ADCY2: variants seen among roughly 807,000 people sequenced by gnomAD.
The protein encoded by ADCY2 is adenylate cyclase 2.
Under a neutral mutation model 125.2 loss-of-function variants are expected in ADCY2, and 31 were observed. That is an observed-to-expected ratio of 0.25 (90% CI 0.19 to 0.33). The LOEUF (loss-of-function observed/expected upper bound fraction) is 0.33. ADCY2 is among the 10% of genes least tolerant of loss of function. The pLI is 1.00. For synonymous variants in ADCY2, 512 were observed against 548.4 expected (o/e 0.93, Z 0.93); for missense variants, 904 against 1,418.2 (o/e 0.64, Z 5.82).
At chr5:7,671,000 T>A (rs1467237751) in intron 4 of ADCY2, among the ~76,000 whole-genome samples, 4 of 152,248 alleles carry the variant, frequency 2.6e-5, no homozygotes, top group African/African-American at 9.6e-5. Context: ...CTCTGGGTAG[T>A]GCTTTATTTC....
At chr5:7,644,830 G>A (rs945181704) in intron 4 of ADCY2, among the ~76,000 whole-genome samples, 1 of 152,104 alleles carries the variant, frequency 6.6e-6, no homozygotes, top group African/African-American at 2.4e-5. Context: ...CTTAGCTTAA[G>A]TTTTCATACA....
At chr5:7,567,212 T>A (rs551457423) in intron 3 of ADCY2, among the ~76,000 whole-genome samples, 1 of 152,338 alleles carries the variant, frequency 6.6e-6, no homozygotes, top group South Asian at 2.1e-4. Flanking sequence ...GGTTTACTAC[T>A]GTATTATCTT....
Position 7,640,202 on chromosome 5 carries a change from G to A in ADCY2, c.720+13886G>A, listed in dbSNP as rs190475738. On this transcript the variant is annotated intron_variant, in intron 4 of 24. Coordinates refer to ENST00000338316, the MANE Select transcript of ADCY2 (RefSeq NM_020546.3). ...ATTATTATTCCAGATTTCCGCTGGT[G>A]AATTTTATTAACGAGTCAAGGAAAA... Among the ~76,000 whole-genome samples, 152 of 152,226 alleles carry A rather than the reference G, an allele frequency of 1.0e-3. 1 individual carries two copies. The highest frequency in any genetic ancestry group is 3.5e-3 in the African/African-American group (144 of 41,530).
intron 4 of ADCY2, among the ~76,000 whole-genome samples, chr5:7,652,818 G>C (rs1739143424): frequency 6.6e-6 from 1 of 152,204 alleles, no homozygotes; most frequent in African/African-American, 2.4e-5. Context: ...TCTACAAAGA[G>C]ACCCTCTCTT....
At chr5:7,407,867 C>CTTTTT (rs963332049) in intron 1 of ADCY2, among the ~76,000 whole-genome samples, 1 of 127,920 alleles carries the variant, frequency 7.8e-6, no homozygotes, top group Non-Finnish European at 1.7e-5. Context: ...CTCTTCAGTT[C>CTTTTT]TTTTTTTTTT....
At position 7,533,997 on chromosome 5, in the gene ADCY2, G is replaced by C. The variant is rs555647399; in HGVS notation, c.570+13098G>C. 2.6e-5 allele frequency among the ~76,000 whole-genome samples: 4 copies of C among 152,320 alleles called. No individual in the cohort carries two copies. In the South Asian group the frequency reaches 8.3e-4, roughly 32 times the overall value. On this transcript the variant is annotated intron_variant, in intron 3 of 24. Coordinates refer to ENST00000338316, the MANE Select transcript of ADCY2 (RefSeq NM_020546.3). ...GTGGGATCTTCATGCTGCTGAGATAGACTGTCTCCTGCAGATATTCCTTGA... is the reference window on the plus strand; with the variant it reads ...GTGGGATCTTCATGCTGCTGAGATACACTGTCTCCTGCAGATATTCCTTGA...
At chr5:7,560,988 T>G (rs1735690848) in intron 3 of ADCY2, among the ~76,000 whole-genome samples, 1 of 152,204 alleles carries the variant, frequency 6.6e-6, no homozygotes, top group South Asian at 2.1e-4. Context: ...GGGCCCAGCC[T>G]GCTTATTCTT....
chr5:7,549,203 C>T (rs1579562509), intron 3 of ADCY2, among the ~76,000 whole-genome samples: 2 of 152,302 alleles, frequency 1.3e-5, no homozygotes, highest in East Asian at 3.9e-4. Flanking sequence ...CTGTGACTGA[C>T]AGCAGAGCTG....
chr5:7,445,256 G>A (rs2126408190), intron 2 of ADCY2, among the ~76,000 whole-genome samples: 1 of 152,274 alleles, frequency 6.6e-6, no homozygotes, highest in South Asian at 2.1e-4. Flanking sequence ...CCCGTGGGAA[G>A]TGTGACATGC....
intron 2 of ADCY2, among the ~76,000 whole-genome samples, chr5:7,491,174 A>G (rs763852575): frequency 6.6e-6 from 1 of 152,152 alleles, no homozygotes; most frequent in African/African-American, 2.4e-5. Flanking sequence ...AATTTTATCT[A>G]TTTAATAACT....
At chr5:7,406,988 T>G (rs1335056317) in intron 1 of ADCY2, among the ~76,000 whole-genome samples, 1 of 152,230 alleles carries the variant, frequency 6.6e-6, no homozygotes, top group Non-Finnish European at 1.5e-5. Context: ...TTTTGTTCAG[T>G]TGAAATAATT....
At chr5:7,581,621 C>G (rs1736435745) in intron 3 of ADCY2, among the ~76,000 whole-genome samples, 1 of 151,648 alleles carries the variant, frequency 6.6e-6, no homozygotes, top group Non-Finnish European at 1.5e-5. Flanking sequence ...AGATCAAGAC[C>G]ATCCTGGCCA....
At chr5:7,717,601 T>C (rs1038063305) in intron 12 of ADCY2, among the ~76,000 whole-genome samples, 1 of 152,172 alleles carries the variant, frequency 6.6e-6, no homozygotes, top group African/African-American at 2.4e-5. Context: ...ATGCATCTGT[T>C]CTTATTACAA....
intron 3 of ADCY2, among the ~76,000 whole-genome samples, chr5:7,567,025 AT>A (rs1413676696): frequency 4.6e-5 from 7 of 152,158 alleles, no homozygotes; most frequent in African/African-American, 7.2e-5. Flanking sequence ...AGATACCTAC[AT>A]TTGTGAGATT....
At chr5:7,610,138 AT>A (rs1737528161) in intron 3 of ADCY2, among the ~76,000 whole-genome samples, 1 of 152,226 alleles carries the variant, frequency 6.6e-6, no homozygotes, top group Admixed American at 6.5e-5. Context: ...CAGAAGAAAG[AT>A]GTAGGCTAGA....
At chr5:7,552,340 A>G (rs935059547) in intron 3 of ADCY2, among the ~76,000 whole-genome samples, 6 of 152,228 alleles carry the variant, frequency 3.9e-5, no homozygotes, top group Admixed American at 1.3e-4. Flanking sequence ...TGAGTCTTTC[A>G]TCAGTGAGAA....
intron 4 of ADCY2, among the ~76,000 whole-genome samples, chr5:7,637,206 A>G (rs1468790882): frequency 6.6e-6 from 1 of 152,184 alleles, no homozygotes; most frequent in Non-Finnish European, 1.5e-5. Flanking sequence ...GTGCTGGCTC[A>G]GACCTATAAT....
intron 3 of ADCY2, among the ~76,000 whole-genome samples, chr5:7,614,217 G>A (rs1389749154): frequency 6.6e-6 from 1 of 152,126 alleles, no homozygotes; most frequent in Non-Finnish European, 1.5e-5. Context: ...TTTGTGAAAG[G>A]GGGTTATGTT....
intron 3 of ADCY2, among the ~76,000 whole-genome samples, chr5:7,532,274 GAGAA>G (rs1429442856): frequency 3.3e-5 from 5 of 152,156 alleles, no homozygotes; most frequent in Admixed American, 6.5e-5. Context: ...TCACATTAAA[GAGAA>G]AGAAAGAGAG....
Sources: allele counts gnomAD v4.1 joint callset (sites outside exome capture counted in the v4.1 genomes callset), GRCh38; gene constraint gnomAD v4.1.1; transcripts MANE v1.5; gene names NCBI Gene and HGNC (gene_info 2026-07-23, HGNC 2026-07-21).